The following ADAMTS8 variants were observed in gnomAD, a reference collection of about 807,000 sequenced individuals.
ADAMTS8 encodes ADAM metallopeptidase with thrombospondin type 1 motif 8, also known as A disintegrin and metalloproteinase with thrombospondin motifs 8.
Under a neutral mutation model 64.4 loss-of-function variants are expected in ADAMTS8, and 50 were observed. The observed-to-expected ratio is 0.78, with a 90% CI of 0.62 to 0.98. The LOEUF is 0.98. Ranked by LOEUF, ADAMTS8 falls within the 50% of genes least tolerant of loss-of-function variation. The probability of loss-of-function intolerance (pLI) is 0.00; values close to 1 mark genes in which losing one functional copy is unlikely to be tolerated. For synonymous variants in ADAMTS8, 556 were observed against 533.6 expected, an observed-to-expected ratio of 1.04 and a Z score of -0.58; for missense variants, 1,192 against 1,208.2, an observed-to-expected ratio of 0.99 and a Z score of 0.20.
chr11:130,416,266 G>A lies in ADAMTS8; in HGVS notation c.1161C>T (p.Gly387=), dbSNP rs1381691444. Residue 387 remains glycine (G), a synonymous_variant, in exon 4 of 9, where the codon GGC becomes GGT. Coordinates refer to ENST00000257359, the MANE Select transcript of ADAMTS8 (RefSeq NM_007037.6). The surrounding 1 kb of genome is among the most constrained non-coding windows in gnomAD (Gnocchi z 4.8). ...KPCTRLFGPM[G]KHHVMAPLFV... ...ACAGCGGTGCCATCACGTGGTGCTT[G>A]CCCATGGGCCCGAAGAGCCGTGTGC... 1.9e-6 allele frequency: 3 copies of A among 1,580,180 alleles called. No homozygotes were observed. The highest frequency in any genetic ancestry group is 2.7e-5 in the African/African-American group (2 of 74,350).
At position 130,418,776 on chromosome 11, in the gene ADAMTS8, G is replaced by C. The variant is rs549162835; in HGVS notation, c.960+277C>G. Among the ~76,000 whole-genome samples, 18 of 152,316 alleles carry C rather than the reference G, an allele frequency of 1.2e-4. 1 individual carries two copies. In the South Asian group the frequency reaches 3.7e-3, roughly 32 times the overall value. On this transcript the variant is annotated intron_variant, in intron 2 of 8. Coordinates refer to ENST00000257359, the MANE Select transcript of ADAMTS8 (RefSeq NM_007037.6). ...CATTCCAAGCCCAGATCTCTCACTG[G>C]GCAGCTTGAGCCCATTTCTTCTTGT...
Position 130,416,899 on chromosome 11 carries a change from C to T in ADAMTS8, c.1096+41G>A. ...ACCTTGGATCTGGAAGAGCAGTTCCCTCCGATGTGGTGAAGTGGGCTTTGG... is the reference window on the plus strand; with the variant it reads ...ACCTTGGATCTGGAAGAGCAGTTCCTTCCGATGTGGTGAAGTGGGCTTTGG... On this transcript the variant is annotated intron_variant, in intron 3 of 8. Transcript: ENST00000257359. The surrounding 1 kb of genome is among the most constrained non-coding windows in gnomAD (Gnocchi z 4.8). 1 of 1,613,488 alleles carries T rather than the reference C, an allele frequency of 6.2e-7. No homozygotes were observed. The highest frequency in any genetic ancestry group is 8.5e-7 in the Non-Finnish European group (1 of 1,179,630).
Position 130,424,450 on chromosome 11 carries a change from C to T in ADAMTS8, c.720+3117G>A, listed in dbSNP as rs188578509. On this transcript the variant is annotated intron_variant, in intron 1 of 8. Coordinates refer to ENST00000257359, the MANE Select transcript of ADAMTS8 (RefSeq NM_007037.6). Reference sequence around the variant, plus strand: ...ACTGGCTCATCATGAAGCAGCCACACAGGTGCTCAGACCGGGATTGATCAC... The same window carrying T: ...ACTGGCTCATCATGAAGCAGCCACATAGGTGCTCAGACCGGGATTGATCAC... Among the ~76,000 whole-genome samples, 662 of 152,322 alleles carry T rather than the reference C, an allele frequency of 4.3e-3. 4 individuals carry two copies. The highest frequency in any genetic ancestry group is 7.0e-3 in the Non-Finnish European group (478 of 68,028).
chr11:130,414,315 G>C (rs1279958619), intron 5 of ADAMTS8, among the ~76,000 whole-genome samples: 1 of 151,494 alleles, frequency 6.6e-6, no homozygotes, highest in Non-Finnish European at 1.5e-5. Flanking sequence ...GTACAGACAG[G>C]ATCTCACTAT....
chr11:130,427,350 A>G (rs1367085762), intron 1 of ADAMTS8, among the ~76,000 whole-genome samples: 1 of 151,564 alleles, frequency 6.6e-6, no homozygotes, highest in Non-Finnish European at 1.5e-5. Flanking sequence ...GTGGGGGCGC[A>G]GGGATCCAGG....
In ADAMTS8 at chr11:130,406,044, G is replaced by C. The variant is rs751297564; in HGVS notation, c.2184C>G (p.Asn728Lys). 1 of 1,614,114 alleles carries C rather than the reference G, an allele frequency of 6.2e-7. No individual in the cohort carries two copies. The highest frequency in any genetic ancestry group is 1.3e-5 in the African/African-American group (1 of 75,062). ...TCTTCAGCGCCAGGTAGTTCCCATCGTTCTGCACACCCGGGTGGCTCCGCT... is the reference window on the plus strand; with the variant it reads ...TCTTCAGCGCCAGGTAGTTCCCATCCTTCTGCACACCCGGGTGGCTCCGCT... ...VKQRSHPGVQ[N>K]DGNYLALKTA... Residue 728 changes from asparagine to lysine, a missense_variant, in exon 9 of 9, where the codon AAC becomes AAG. Asn to Lys is a moderately conservative substitution (Grantham distance 94). Transcript: ENST00000257359.
chr11:130,414,125 T>G (rs1861988264), intron 5 of ADAMTS8, among the ~76,000 whole-genome samples: 1 of 104,722 alleles, frequency 9.5e-6, no homozygotes, highest in African/African-American at 7.9e-5. Flanking sequence ...TTCTTTTCTT[T>G]TTTTTTTTTT....
intron 1 of ADAMTS8, 49 bp from the exon 2 acceptor site, chr11:130,419,341 G>A (rs1352922551): frequency 6.2e-7 from 1 of 1,609,260 alleles, no homozygotes; most frequent in Non-Finnish European, 8.5e-7. Flanking sequence ...TAAGTCTCAG[G>A]GCCCTTGGCC....
In ADAMTS8 at chr11:130,405,247, G is replaced by T; in HGVS notation, c.*311C>A. 1 of 1,148,398 alleles carries T rather than the reference G, an allele frequency of 8.7e-7. No individual in the cohort carries two copies. The highest frequency in any genetic ancestry group is 1.1e-6 in the Non-Finnish European group (1 of 934,608). The allele number at this position is 1,148,398 out of a possible 1,614,324, so 71.1% of individuals were successfully genotyped here. On this transcript the variant is annotated 3_prime_UTR_variant, in exon 9 of 9. Transcript: ENST00000257359. ...TTTCATTTAAGTTTGCTAGTCCTTT[G>T]CAAACAGACTGACGCTGAGTGTCCT... is the stretch of plus-strand genomic sequence containing the variant.
In ADAMTS8 at chr11:130,405,076, G is replaced by A. The variant is rs569660554; in HGVS notation, c.*482C>T. 1.1e-5 allele frequency: 11 copies of A among 988,828 alleles called. No individual in the cohort carries two copies. The highest frequency in any genetic ancestry group is 1.7e-5 in the African/African-American group (1 of 57,406). The allele number at this position is 988,828 out of a possible 1,614,324, so 61.3% of individuals were successfully genotyped here. A position where few individuals can be genotyped will look rare whatever the true frequency, so the allele number is the denominator to read the frequency against. On this transcript the variant is annotated 3_prime_UTR_variant, in exon 9 of 9. Transcript: ENST00000257359. Reference sequence around the variant, plus strand: ...ATGGATTTTAACACTGAAGACAGTCGTGGTCATTCTTGAAGACAGCTTGGG... The same window carrying A: ...ATGGATTTTAACACTGAAGACAGTCATGGTCATTCTTGAAGACAGCTTGGG...
Position 130,416,419 on chromosome 11 carries a change from G to T in ADAMTS8, c.1097-89C>A. Reference sequence around the variant, plus strand: ...TAGGGACAGAGATGGAGCTCCTCAGGGGAGCAGCCACCCCCTCACTCTCCG... The same window carrying T: ...TAGGGACAGAGATGGAGCTCCTCAGTGGAGCAGCCACCCCCTCACTCTCCG... On this transcript the variant is annotated intron_variant, in intron 3 of 8. Coordinates refer to ENST00000257359, the MANE Select transcript of ADAMTS8 (RefSeq NM_007037.6). This position sits in a 1 kb window ranked among gnomAD's most constrained non-coding sequence, Gnocchi z 4.8. 7.2e-6 allele frequency: 10 copies of T among 1,384,772 alleles called. No homozygotes were observed. The highest frequency in any genetic ancestry group is 9.6e-6 in the Non-Finnish European group (10 of 1,045,268). The allele number at this position is 1,384,772 out of a possible 1,614,324, so 85.8% of individuals were successfully genotyped here. A position where few individuals can be genotyped will look rare whatever the true frequency, so the allele number is the denominator to read the frequency against.
At chr11:130,408,716 A>T (rs920814422) in intron 7 of ADAMTS8, 52 bp downstream of exon 7, 39 of 1,612,048 alleles carry the variant, frequency 2.4e-5, no homozygotes, top group Non-Finnish European at 3.1e-5. Context: ...GGGTGTGGGG[A>T]CAGGCGACCT....
rs754808172 is a variant in ADAMTS8 at position 130,416,151 on chromosome 11, G to C, written c.1264+12C>G. On this transcript the variant is annotated intron_variant, in intron 4 of 8. Coordinates refer to ENST00000257359, the MANE Select transcript of ADAMTS8 (RefSeq NM_007037.6). This position sits in a 1 kb window ranked among gnomAD's most constrained non-coding sequence, Gnocchi z 4.8. ...CCACGGGGACAAGTAGGGCGGGGCC[G>C]CCGGTGCCTACCGTGCCCGCCGTCC... The C allele has an allele frequency of 6.4e-7, 1 of 1,561,432 alleles. No homozygotes were observed. Among genetic ancestry groups the C allele is most frequent in the Non-Finnish European group, 8.7e-7 (1 of 1,151,924 alleles).
rs757519748 is a variant in ADAMTS8 at position 130,411,549 on chromosome 11, G to A, written c.1618C>T (p.Arg540Trp). The change falls in exon 6 of 9, where the codon CGG becomes TGG. Residue 540 changes from arginine to tryptophan, a missense_variant. Around this residue, in one of 5 missense-constraint regions of ADAMTS8, gnomAD observed 290 missense variants for 297.8 expected, o/e 0.97. Coordinates refer to ENST00000257359, the MANE Select transcript of ADAMTS8 (RefSeq NM_007037.6). The surrounding 1 kb of genome is among the most constrained non-coding windows in gnomAD (Gnocchi z 4.2). ...APWGPWGECSRTCGGGVQFSH... is the reference protein window; with the variant it reads ...APWGPWGECSWTCGGGVQFSH... ...AACTGTACTCCTCCTCCACAGGTCC[G>A]AGAACATTCTCCCCAGGGTCCCCAC... 6.2e-7 allele frequency: 1 copy of A among 1,614,146 alleles called. No individual in the cohort carries two copies.
Position 130,419,150 on chromosome 11 carries a change from AGCCCCCC to A in ADAMTS8, c.856_862del (p.Gly286LeufsTer62). 1 of 1,614,150 alleles carries A rather than the reference AGCCCCCC, an allele frequency of 6.2e-7. No homozygotes were observed. The highest frequency in any genetic ancestry group is 8.5e-7 in the Non-Finnish European group (1 of 1,180,032). On this transcript the variant is annotated frameshift_variant, in exon 2 of 9. Coordinates refer to ENST00000257359, the MANE Select transcript of ADAMTS8 (RefSeq NM_007037.6). LOFTEE classifies it high-confidence loss of function. ...CCAGTTGCAGAAGTTACGCAGTGTA[AGCCCCCC>A]ATTGTCGGACACCTCTGGGCCCCAT...
rs776007444 is a variant in ADAMTS8 at position 130,414,796 on chromosome 11, G to A, written c.1301C>T (p.Pro434Leu). ...CLLDAPAAAL[P>L]LPTGLPGRMA... ...GCGGCCCGGGAGGCCTGTGGGGAGG[G>A]GCAGGGCCGCAGCAGGGGCATCCAG... Residue 434 changes from proline (P) to leucine (L), a missense_variant, in exon 5 of 9, where the codon CCC (proline) becomes CTC (leucine). Physicochemically the swap from Pro to Leu is moderately conservative, Grantham distance 98. Coordinates refer to ENST00000257359, the MANE Select transcript of ADAMTS8 (RefSeq NM_007037.6). 4 of 1,611,882 alleles carry A rather than the reference G, an allele frequency of 2.5e-6. No individual in the cohort carries two copies. The highest frequency in any genetic ancestry group is 1.7e-6 in the Non-Finnish European group (2 of 1,179,064).
At position 130,405,384 on chromosome 11, in the gene ADAMTS8, T is replaced by C; in HGVS notation, c.*174A>G. 1 of 1,422,128 alleles carries C rather than the reference T, an allele frequency of 7.0e-7. No individual in the cohort carries two copies. Among genetic ancestry groups the C allele is most frequent in the Non-Finnish European group, 9.1e-7 (1 of 1,093,640 alleles). 88.1% of individuals were successfully genotyped at this position (1,422,128 alleles called of 1,614,324 possible). A position where few individuals can be genotyped will look rare whatever the true frequency, so the allele number is the denominator to read the frequency against. ...ATAGGGTCTGCCGCCCCATACCCTC[T>C]CCTCTTCCCCCTTAGGAATTTGTGC... On this transcript the variant is annotated 3_prime_UTR_variant, in exon 9 of 9. Transcript: ENST00000257359.
Position 130,408,379 on chromosome 11 carries a change from C to G in ADAMTS8, c.2099+85G>C, listed in dbSNP as rs1861909564. 5 of 1,502,570 alleles carry G rather than the reference C, an allele frequency of 3.3e-6. No homozygotes were observed. In the South Asian group the frequency reaches 6.0e-5, roughly 18 times the overall value. 93.1% of individuals were successfully genotyped at this position (1,502,570 alleles called of 1,614,324 possible). ...AACCCTCACAGCTATTAAGTAGCAG[C>G]CACAGTTCAATTTGGGCCTAGCAGA... On this transcript the variant is annotated intron_variant, in intron 8 of 8. Transcript: ENST00000257359.
chr11:130,405,889 C>G lies in ADAMTS8; in HGVS notation c.2339G>C (p.Arg780Pro). The G allele has an allele frequency of 6.2e-7, 1 of 1,614,064 alleles. No homozygotes were observed. The highest frequency in any genetic ancestry group is 1.1e-5 in the South Asian group (1 of 91,078). The change falls in exon 9 of 9, where the codon CGG becomes CCG. Residue 780 changes from arginine to proline, a missense_variant. By Grantham distance (103) the Arg-to-Pro change is moderately radical (BLOSUM62 -2). Around this residue, in one of 5 missense-constraint regions of ADAMTS8, gnomAD observed 147 missense variants for 154.1 expected, o/e 0.95. Coordinates refer to ENST00000257359, the MANE Select transcript of ADAMTS8 (RefSeq NM_007037.6). ...IATLERLQSF[R>P]PLPEPLTVQL... The stretch of plus-strand genomic sequence containing the variant: ...CACTGTCAGAGGCTCTGGCAAGGGC[C>G]GGAAGCTCTGCAGGCGCTCCAGGGT...
Sources: gnomAD v4.1 joint callset for allele counts (sites outside exome capture counted in the v4.1 genomes callset) on GRCh38, gnomAD v4.1.1 for gene constraint, gnomAD v4.1.1 regional missense constraint, Gnocchi (gnomAD v3.1) non-coding constraint, MANE v1.5 for transcripts, NCBI Gene and HGNC (gene_info 2026-07-23, HGNC 2026-07-21) for gene names.